MARCHF6: variants seen among roughly 807,000 people sequenced by gnomAD.
MARCHF6 encodes E3 ubiquitin-protein ligase MARCHF6.
A neutral mutation model predicts 133.7 loss-of-function variants in MARCHF6; 31 were observed. That is an observed-to-expected ratio of 0.23 (90% confidence interval 0.17 to 0.31). The LOEUF (loss-of-function observed/expected upper bound fraction) is 0.31. MARCHF6 is among the 10% of genes least tolerant of loss of function. MARCHF6 has a pLI of 1.00. For synonymous variants in MARCHF6, 395 were observed against 402.5 expected, an observed-to-expected ratio of 0.98 and a Z score of 0.22; for missense variants, 723 against 1,121.6, an observed-to-expected ratio of 0.64 and a Z score of 5.08.
At chr5:10,406,092 G>A (rs1166742375) in intron 16 of MARCHF6, among the ~76,000 whole-genome samples, 3 of 152,150 alleles carry the variant, frequency 2.0e-5, no homozygotes, top group Non-Finnish European at 4.4e-5. Flanking sequence ...TGGGAACTGC[G>A]AGTGCGAGGG....
rs1213351530 is a variant in MARCHF6, at chr5:10,402,564, T to C, written c.1154T>C (p.Val385Ala). 3.7e-6 allele frequency: 6 copies of C among 1,613,838 alleles called. No homozygotes were observed. Among genetic ancestry groups the C allele is most frequent in the Non-Finnish European group, 5.1e-6 (6 of 1,179,896 alleles). ...VSLLVVVEIG[V>A]FPLICGWWLD... ...TTGTTAGTGGTGGTAGAAATTGGAGTATTCCCTCTCATTTGTGGTTGGTGG... is the reference window on the plus strand; with the variant it reads ...TTGTTAGTGGTGGTAGAAATTGGAGCATTCCCTCTCATTTGTGGTTGGTGG... Residue 385 changes from valine (V) to alanine (A), a missense_variant, in exon 14 of 26, where the codon GTA (valine) becomes GCA (alanine). This residue lies in a region of MARCHF6 where 492 missense variants were observed against 699.5 expected (regional missense o/e 0.70). Coordinates refer to ENST00000274140, the MANE Select transcript of MARCHF6 (RefSeq NM_005885.4).
Position 10,359,826 on chromosome 5 carries a change from G to A in MARCHF6, c.19+5909G>A, listed in dbSNP as rs185524866. ...TCGAGACCAGCCTGGACAACATGGC[G>A]AAACCCTGTCTCTACTAAAAATAGA... On this transcript the variant is annotated intron_variant, in intron 1 of 25. Coordinates refer to ENST00000274140, the MANE Select transcript of MARCHF6 (RefSeq NM_005885.4). Among the ~76,000 whole-genome samples, 679 of 152,216 alleles carry A rather than the reference G, an allele frequency of 4.5e-3. 5 individuals carry two copies. The highest frequency in any genetic ancestry group is 0.016 in the African/African-American group (650 of 41,528).
intron 24 of MARCHF6, among the ~76,000 whole-genome samples, chr5:10,427,652 C>A (rs2244134): frequency 0.17 from 25,462 of 152,138 alleles, 3,313 homozygotes; most frequent in East Asian, 0.67. Flanking sequence ...ACCAAACTTG[C>A]AGTGTAACAT....
intron 1 of MARCHF6, among the ~76,000 whole-genome samples, chr5:10,368,599 A>G (rs1171650151): frequency 4.6e-5 from 7 of 152,150 alleles, no homozygotes; most frequent in Non-Finnish European, 4.4e-5. Context: ...TTTTTGAGAT[A>G]GAGTCTTGCT....
At chr5:10,389,717 A>G (rs1256942897) in intron 5 of MARCHF6, among the ~76,000 whole-genome samples, 1 of 152,208 alleles carries the variant, frequency 6.6e-6, no homozygotes, top group African/African-American at 2.4e-5. Flanking sequence ...ACAAACTTCT[A>G]TAAAATTTAT....
rs758646943 is a variant in MARCHF6 at position 10,402,103 on chromosome 5, G to T, written c.1017G>T (p.Gly339=). The T allele has an allele frequency of 5.0e-6, 8 of 1,610,118 alleles. No homozygotes were observed. The highest frequency in any genetic ancestry group is 6.8e-6 in the Non-Finnish European group (8 of 1,176,974). Residue 339 remains glycine, a synonymous_variant, in exon 12 of 26, where the codon GGG becomes GGT. Transcript: ENST00000274140. The part of the protein sequence containing the change: ...HFEGLITTIV[G]YILLAITLII... Reference sequence around the variant, plus strand: ...AAGGCCTAATCACAACCATAGTTGGGTATATACTTTTAGCAATAACACTGA... The same window carrying T: ...AAGGCCTAATCACAACCATAGTTGGTTATATACTTTTAGCAATAACACTGA...
At chr5:10,393,086 T>C (rs906614750) in intron 7 of MARCHF6, among the ~76,000 whole-genome samples, 17 of 152,058 alleles carry the variant, frequency 1.1e-4, no homozygotes, top group Non-Finnish European at 1.8e-4. Context: ...AGACAAGGTT[T>C]TGCCTTTGAG....
chr5:10,438,203 C>T lies in MARCHF6; in HGVS notation c.*4519C>T, dbSNP rs1261580783. 3 of 152,026 alleles carry T rather than the reference C, an allele frequency of 2.0e-5. No individual in the cohort carries two copies. Among genetic ancestry groups the T allele is most frequent in the African/African-American group, 7.3e-5 (3 of 41,376 alleles). 9.4% of individuals were successfully genotyped at this position (152,026 alleles called of 1,614,324 possible). A position where few individuals can be genotyped will look rare whatever the true frequency, so the allele number is the denominator to read the frequency against. ...TTTAGCTGAATACTTAGAGTAAAAC[C>T]AATCAAATCCATTGTACATACCTGA... On this transcript the variant is annotated 3_prime_UTR_variant, in exon 26 of 26. Transcript: ENST00000274140.
chr5:10,354,217 G>C (rs555035243), intron 1 of MARCHF6, among the ~76,000 whole-genome samples: 71 of 152,264 alleles, frequency 4.7e-4, no homozygotes, highest in Non-Finnish European at 9.1e-4. Context: ...GCCGTCGCGC[G>C]CTGGCCCAGA....
intron 1 of MARCHF6, among the ~76,000 whole-genome samples, chr5:10,372,834 A>G (rs946903835): frequency 1.3e-5 from 2 of 152,154 alleles, no homozygotes; most frequent in African/African-American, 4.8e-5. Context: ...CTCTAGCTGC[A>G]TTCATTCTAT....
At chr5:10,382,207 A>T (rs1737189828) in intron 4 of MARCHF6, among the ~76,000 whole-genome samples, 1 of 152,216 alleles carries the variant, frequency 6.6e-6, no homozygotes, top group Admixed American at 6.5e-5. Flanking sequence ...GAAAAAATCA[A>T]ATCAAATCAT....
rs570917552 is a variant in MARCHF6 at position 10,358,524 on chromosome 5, TCAAA to T, written c.19+4611_19+4614del. Among the ~76,000 whole-genome samples, 385 of 152,326 alleles carry T rather than the reference TCAAA, an allele frequency of 2.5e-3. 4 individuals carry two copies. Among genetic ancestry groups the T allele is most frequent in the Non-Finnish European group, 2.2e-3 (150 of 68,020 alleles). On this transcript the variant is annotated intron_variant, in intron 1 of 25. Coordinates refer to ENST00000274140, the MANE Select transcript of MARCHF6 (RefSeq NM_005885.4). ...AGCCTTTTTTTCTTGTCATTATTCC[TCAAA>T]CAATACAGTATGATGACTACATAAC...
rs775679238 is a variant in MARCHF6, at chr5:10,429,929, G to A, written c.2543G>A (p.Arg848Gln). ...GAAATGCAAAACTTAGTCCATCGGC[G>A]GATTTATCCATTTTTACTGATGGTC... ...TAEMQNLVHRRIYPFLLMVVV... is the reference protein window; with the variant it reads ...TAEMQNLVHRQIYPFLLMVVV... Residue 848 changes from arginine to glutamine, a missense_variant, in exon 25 of 26, where the codon CGG becomes CAG. Arg to Gln is a conservative substitution (Grantham distance 43). This residue lies in a region of MARCHF6 where 492 missense variants were observed against 699.5 expected (regional missense o/e 0.70). Coordinates refer to ENST00000274140, the MANE Select transcript of MARCHF6 (RefSeq NM_005885.4). 11 of 1,613,264 alleles carry A rather than the reference G, an allele frequency of 6.8e-6. No individual in the cohort carries two copies. Among genetic ancestry groups the A allele is most frequent in the African/African-American group, 2.7e-5 (2 of 74,990 alleles).
At chr5:10,410,089 A>G (rs1347804858) in intron 17 of MARCHF6, 50 bp from the exon 18 acceptor site, 1 of 1,585,684 alleles carries the variant, frequency 6.3e-7, no homozygotes, top group Non-Finnish European at 8.6e-7. Context: ...CCCATTAAAT[A>G]GTAGTCATAT....
At chr5:10,423,956 C>CT (rs79459465) in intron 23 of MARCHF6, 132 bp downstream of exon 23, 17,543 of 398,532 alleles carry the variant, frequency 0.044, 13 homozygotes, top group East Asian at 0.051. Flanking sequence ...CATATATAAC[C>CT]TTTTTTTTTT....
intron 6 of MARCHF6, among the ~76,000 whole-genome samples, chr5:10,391,280 C>T (rs1008690705): frequency 1.3e-5 from 2 of 151,860 alleles, no homozygotes; most frequent in African/African-American, 4.8e-5. Flanking sequence ...ACTATAGGCG[C>T]AAACCACCAT....
At chr5:10,400,998 CAG>C (rs1738497136) in intron 11 of MARCHF6, 156 bp downstream of exon 11, 3 of 603,164 alleles carry the variant, frequency 5.0e-6, no homozygotes, top group Non-Finnish European at 8.6e-6. Flanking sequence ...AAAAAAATAA[CAG>C]TGGCTCAAGA....
chr5:10,430,160 T>C, intron 25 of MARCHF6, 132 bp downstream of exon 25: 1 of 1,042,344 alleles, frequency 9.6e-7, no homozygotes, highest in Non-Finnish European at 1.4e-6. Flanking sequence ...TAGCAAGGTT[T>C]GCTGACAGAT....
At chr5:10,379,109 G>C (rs1055752574) in intron 3 of MARCHF6, among the ~76,000 whole-genome samples, 1 of 151,748 alleles carries the variant, frequency 6.6e-6, no homozygotes, top group African/African-American at 2.4e-5. Context: ...ATTGTAGACA[G>C]GTTCGAACAC....
Sources: allele counts gnomAD v4.1 joint callset (sites outside exome capture counted in the v4.1 genomes callset), GRCh38; gene constraint gnomAD v4.1.1; regional missense constraint gnomAD v4.1.1; transcripts MANE v1.5; gene names NCBI Gene and HGNC (gene_info 2026-07-23, HGNC 2026-07-21).